The following MDGA2 variants were observed in gnomAD, a reference collection of about 807,000 sequenced individuals.
MDGA2 encodes the protein MAM domain-containing glycosylphosphatidylinositol anchor protein 2.
In MDGA2, 40 loss-of-function variants were observed where a neutral mutation model predicts 117.8. That is an observed-to-expected ratio of 0.34 (90% CI 0.26 to 0.44). The LOEUF (loss-of-function observed/expected upper bound fraction) is 0.44, where lower values mean the gene tolerates loss of function less well. Among genes scored for constraint, MDGA2 ranks in the 20% least tolerant of loss-of-function variants. MDGA2 has a pLI of 1.00. For synonymous variants in MDGA2, 452 were observed against 439.0 expected (o/e 1.03, Z -0.37); for missense variants, 1,123 against 1,250.6 (o/e 0.90, Z 1.54).
rs1309865250 is a variant in MDGA2, at chr14:47,561,163, G to GTTTTTTTTTTTTTTTTTTTTTTTTTTTT, written c.280+113353_280+113354insAAAAAAAAAAAAAAAAAAAAAAAAAAAA. On this transcript the variant is annotated intron_variant, in intron 1 of 16. Coordinates refer to ENST00000399232, the MANE Select transcript of MDGA2 (RefSeq NM_001113498.3). The stretch of plus-strand genomic sequence containing the variant: ...TTTGTTTTTTTTTTTGTTTTGTTTT[G>GTTTTTTTTTTTTTTTTTTTTTTTTTTTT]TTTTTTTGTTTGTTTGTTTTTTTTT... 2.4e-5 allele frequency among the ~76,000 whole-genome samples: 2 copies of GTTTTTTTTTTTTTTTTTTTTTTTTTTTT among 83,876 alleles called. 1 individual carries two copies. Among genetic ancestry groups the GTTTTTTTTTTTTTTTTTTTTTTTTTTTT allele is most frequent in the Non-Finnish European group, 4.8e-5 (2 of 41,924 alleles). 55.0% of individuals were successfully genotyped at this position (83,876 alleles called of 152,430 possible).
At chr14:46,931,601 C>A (rs564580286) in intron 9 of MDGA2, among the ~76,000 whole-genome samples, 28 of 148,692 alleles carry the variant, frequency 1.9e-4, no homozygotes, top group African/African-American at 7.0e-4. Context: ...CAACTCACTG[C>A]AACCTCTGCC....
At chr14:47,398,308 CATTA>C (rs1318974956) in intron 1 of MDGA2, among the ~76,000 whole-genome samples, 2 of 152,146 alleles carry the variant, frequency 1.3e-5, no homozygotes, top group African/African-American at 4.8e-5. Context: ...GTTTCATCTG[CATTA>C]ATTCTCTCAA....
rs556674255 is a variant in MDGA2 at position 47,453,943 on chromosome 14, G to A, written c.281-152393C>T. On this transcript the variant is annotated intron_variant, in intron 1 of 16. Coordinates refer to ENST00000399232, the MANE Select transcript of MDGA2 (RefSeq NM_001113498.3). ...GGAAGGGGTATCTTTGCTCCTGTGA[G>A]TCTTCTAATCTCATGGAATATTAAG... 7.2e-5 allele frequency among the ~76,000 whole-genome samples: 11 copies of A among 152,278 alleles called. No homozygotes were observed. The South Asian group carries it at 1.2e-3, about 17-fold the overall frequency.
At chr14:47,358,586 T>G (rs544392732) in intron 1 of MDGA2, among the ~76,000 whole-genome samples, 1 of 152,240 alleles carries the variant, frequency 6.6e-6, no homozygotes, top group South Asian at 2.1e-4. Flanking sequence ...ACCAAAACCT[T>G]AAGAATGAAT....
chr14:46,977,418 C>T (rs1278817849), intron 8 of MDGA2, among the ~76,000 whole-genome samples: 2 of 151,808 alleles, frequency 1.3e-5, no homozygotes, highest in Admixed American at 1.3e-4. Context: ...ACAGAGACTT[C>T]ATTTTCTAGA....
intron 1 of MDGA2, among the ~76,000 whole-genome samples, chr14:47,410,234 G>A (rs903862293): frequency 6.6e-6 from 1 of 152,102 alleles, no homozygotes; most frequent in Non-Finnish European, 1.5e-5. Flanking sequence ...CCTGGAATGA[G>A]CCTTGTGTCT....
At chr14:47,452,019 T>C (rs569633523) in intron 1 of MDGA2, among the ~76,000 whole-genome samples, 5 of 152,266 alleles carry the variant, frequency 3.3e-5, no homozygotes, top group Admixed American at 6.5e-5. Context: ...TTGCTCAATA[T>C]GGTGCACATT....
At chr14:47,633,968 T>C (rs1440752275) in intron 1 of MDGA2, among the ~76,000 whole-genome samples, 3 of 152,106 alleles carry the variant, frequency 2.0e-5, no homozygotes, top group East Asian at 1.9e-4. Flanking sequence ...GTTTGAAAAA[T>C]AGACTGTCCT....
chr14:47,388,739 G>A (rs1181370851), intron 1 of MDGA2, among the ~76,000 whole-genome samples: 1 of 152,116 alleles, frequency 6.6e-6, no homozygotes, highest in Non-Finnish European at 1.5e-5. Context: ...AGAGAAAAAG[G>A]GGAAAGTGAT....
chr14:47,071,226 T>C (rs1336346634), intron 6 of MDGA2, among the ~76,000 whole-genome samples: 1 of 152,170 alleles, frequency 6.6e-6, no homozygotes, highest in African/African-American at 2.4e-5. Context: ...ACGAGAGTAT[T>C]TGAGAGTTAA....
chr14:47,041,607 A>G (rs1163591716), intron 7 of MDGA2, among the ~76,000 whole-genome samples: 1 of 150,706 alleles, frequency 6.6e-6, no homozygotes, highest in African/African-American at 2.4e-5. Context: ...GAAAAACATG[A>G]TATGACACCA....
intron 1 of MDGA2, among the ~76,000 whole-genome samples, chr14:47,495,435 T>C (rs1894261631): frequency 6.6e-6 from 1 of 152,152 alleles, no homozygotes; most frequent in African/African-American, 2.4e-5. Flanking sequence ...GAAAGAAATT[T>C]GGCAATATTG....
intron 5 of MDGA2, among the ~76,000 whole-genome samples, chr14:47,115,384 T>G (rs1881271277): frequency 6.6e-6 from 1 of 152,018 alleles, no homozygotes; most frequent in Admixed American, 6.6e-5. Context: ...ATGAGGAGAC[T>G]AATTCTAGAA....
chr14:47,466,084 T>A (rs780529706), intron 1 of MDGA2, among the ~76,000 whole-genome samples: 1 of 152,114 alleles, frequency 6.6e-6, no homozygotes, highest in African/African-American at 2.4e-5. Context: ...AACCAAATAC[T>A]GCATGTTCTT....
intron 1 of MDGA2, among the ~76,000 whole-genome samples, chr14:47,461,815 C>T (rs1036645984): frequency 3.3e-5 from 5 of 152,166 alleles, no homozygotes; most frequent in African/African-American, 1.2e-4. Context: ...TTCCACTTTT[C>T]CCAGAAACCC....
chr14:47,115,798 G>T (rs1040796337), intron 5 of MDGA2, among the ~76,000 whole-genome samples: 1 of 151,944 alleles, frequency 6.6e-6, no homozygotes, highest in African/African-American at 2.4e-5. Context: ...ATTAATAAAA[G>T]CCTATATGTA....
At chr14:46,861,632 G>C (rs1184791836) in intron 14 of MDGA2, among the ~76,000 whole-genome samples, 1 of 151,790 alleles carries the variant, frequency 6.6e-6, no homozygotes, top group Non-Finnish European at 1.5e-5. Context: ...ATAAGAAAAA[G>C]ACACAAGAAC....
intron 7 of MDGA2, among the ~76,000 whole-genome samples, chr14:47,053,287 T>C (rs1410178519): frequency 6.6e-6 from 1 of 151,846 alleles, no homozygotes; most frequent in Non-Finnish European, 1.5e-5. Flanking sequence ...CTGTTTCAAA[T>C]TAATACAATT....
Position 47,391,731 on chromosome 14 carries a change from A to G in MDGA2, c.281-90181T>C, listed in dbSNP as rs1891899544. Among the ~76,000 whole-genome samples the G allele has an allele frequency of 7.2e-5, 11 of 152,272 alleles. 1 individual carries two copies. In the South Asian group the frequency reaches 1.9e-3, roughly 26 times the overall value. ...TACATGAATTTGAAAATGTTTTTCT[A>G]ATTTTCAATGTCAACACCAGCAAAT... On this transcript the variant is annotated intron_variant, in intron 1 of 16. Transcript: ENST00000399232.
Sources: gnomAD v4.1 joint callset for allele counts (sites outside exome capture counted in the v4.1 genomes callset) on GRCh38, gnomAD v4.1.1 for gene constraint, MANE v1.5 for transcripts, NCBI Gene and HGNC (gene_info 2026-07-23, HGNC 2026-07-21) for gene names.